SPAG17: variants seen among roughly 807,000 people sequenced by gnomAD.
SPAG17 encodes sperm associated antigen 17.
SPAG17 carries 169 observed loss-of-function variants against 273.6 expected under a neutral mutation model. The observed-to-expected ratio is 0.62, with a 90% CI of 0.55 to 0.70. The LOEUF is 0.70. Ranked by LOEUF, SPAG17 falls within the 30% of genes least tolerant of loss-of-function variation. The probability of loss-of-function intolerance (pLI) is 0.00; values close to 1 mark genes in which losing one functional copy is unlikely to be tolerated. For synonymous variants in SPAG17, 825 were observed against 873.2 expected (o/e 0.94, Z 0.97); for missense variants, 2,557 against 2,627.8 (o/e 0.97, Z 0.59).
chr1:117,964,082 A>G lies in SPAG17; in HGVS notation c.6533-144T>C, dbSNP rs933044411. 3.5e-6 allele frequency: 3 copies of G among 865,820 alleles called. No homozygotes were observed. The African/African-American group carries it at 5.1e-5, about 15-fold the overall frequency. The allele number at this position is 865,820 out of a possible 1,614,324, so 53.6% of individuals were successfully genotyped here. On this transcript the variant is annotated intron_variant, in intron 47 of 48. Coordinates refer to ENST00000336338, the MANE Select transcript of SPAG17 (RefSeq NM_206996.4). The stretch of plus-strand genomic sequence containing the variant: ...ACTGTCTATCCAATGCAAATTCTGC[A>G]TGCTCAGGCTTGGGGGTTAGAGGAT...
rs1407723687 is a variant in SPAG17, at chr1:117,992,529, G to A, written c.5298C>T (p.Arg1766=). ...TTATGACCTCATGCTGAATGAATTG[G>A]CGCATCTGTAGCACACTGGGGCTCT... ...ILKSPSVLQM[R]QFIQHEVIKN... The change falls in exon 36 of 49, where the codon CGC becomes CGT. Residue 1766 remains arginine, a synonymous_variant. Transcript: ENST00000336338. 6 of 1,613,556 alleles carry A rather than the reference G, an allele frequency of 3.7e-6. No individual in the cohort carries two copies. The highest frequency in any genetic ancestry group is 1.1e-5 in the South Asian group (1 of 91,050).
At chr1:118,125,519 C>T (rs2102282908) in intron 3 of SPAG17, among the ~76,000 whole-genome samples, 1 of 152,232 alleles carries the variant, frequency 6.6e-6, no homozygotes, top group Non-Finnish European at 1.5e-5. Context: ...CAACCTCTCC[C>T]TTTCTTCCCC....
At chr1:118,172,909 T>G (rs1660485470) in intron 1 of SPAG17, among the ~76,000 whole-genome samples, 2 of 152,180 alleles carry the variant, frequency 1.3e-5, no homozygotes, top group African/African-American at 4.8e-5. Flanking sequence ...TCCATAAGCT[T>G]CTAGAGGGAA....
intron 28 of SPAG17, among the ~76,000 whole-genome samples, chr1:118,016,626 G>T (rs372743681): frequency 6.6e-6 from 1 of 152,096 alleles, no homozygotes; most frequent in South Asian, 2.1e-4. Flanking sequence ...TTTAACTCTT[G>T]ATTCCCCTGA....
chr1:118,091,807 T>C (rs1655391277), intron 9 of SPAG17, 89 bp from the exon 10 acceptor site: 5 of 1,312,636 alleles, frequency 3.8e-6, no homozygotes, highest in Non-Finnish European at 5.5e-6. Context: ...AAACTATGAC[T>C]ATGCACTAAT....
At chr1:117,959,116 A>T in intron 48 of SPAG17, 2 of 1,294,070 alleles carry the variant, frequency 1.5e-6, no homozygotes, top group Non-Finnish European at 2.1e-6. Context: ...ATAAATCCAT[A>T]TTTGAGATAG....
Position 117,967,092 on chromosome 1 carries a change from G to A in SPAG17, c.6388-339C>T, listed in dbSNP as rs184498831. The stretch of plus-strand genomic sequence containing the variant: ...CTAATTGTGCTAGTTTTTGAATGTC[G>A]GTAGTGACTTTCAGTAGTGAAATCT... On this transcript the variant is annotated intron_variant, in intron 46 of 48. Transcript: ENST00000336338. 2.0e-5 allele frequency among the ~76,000 whole-genome samples: 3 copies of A among 152,052 alleles called. No individual in the cohort carries two copies. In the East Asian group the frequency reaches 5.8e-4, roughly 29 times the overall value.
At chr1:118,005,352 A>T in intron 32 of SPAG17, 62 bp downstream of exon 32, 1 of 1,359,748 alleles carries the variant, frequency 7.4e-7, no homozygotes, top group Non-Finnish European at 9.9e-7. Flanking sequence ...GAAGCTTTGT[A>T]GTGTGAAATA....
intron 17 of SPAG17, among the ~76,000 whole-genome samples, chr1:118,070,559 G>A (rs1653472495): frequency 6.6e-6 from 1 of 152,108 alleles, no homozygotes; most frequent in African/African-American, 2.4e-5. Flanking sequence ...AGAAAAAAAG[G>A]GAATTGTGTA....
At chr1:118,036,187 C>G (rs1016597543) in intron 24 of SPAG17, among the ~76,000 whole-genome samples, 1 of 151,032 alleles carries the variant, frequency 6.6e-6, no homozygotes, top group Non-Finnish European at 1.5e-5. Context: ...GATCCTGTCT[C>G]AGAAAAAGAA....
rs1178739158 is a variant in SPAG17 at position 118,175,572 on chromosome 1, T to TA, written c.87+9498dup. On this transcript the variant is annotated intron_variant, in intron 1 of 48. Transcript: ENST00000336338. ...AGGGATTCGGGTGACATTTTCAAAG[T>TA]ACAAAAAAAAAAAAAAAAAACTGCC... 4.9e-3 allele frequency among the ~76,000 whole-genome samples: 331 copies of TA among 67,446 alleles called. 1 individual carries two copies. Among genetic ancestry groups the TA allele is most frequent in the African/African-American group, 0.018 (309 of 16,940 alleles). 44.2% of individuals were successfully genotyped at this position (67,446 alleles called of 152,430 possible). A position where few individuals can be genotyped will look rare whatever the true frequency, so the allele number is the denominator to read the frequency against.
At chr1:118,116,885 A>T (rs750193701) in intron 3 of SPAG17, among the ~76,000 whole-genome samples, 6 of 152,188 alleles carry the variant, frequency 3.9e-5, no homozygotes, top group Non-Finnish European at 7.3e-5. Context: ...CTGCTAACAC[A>T]ATTTAGGGAA....
At position 118,089,870 on chromosome 1, in the gene SPAG17, GT is replaced by G. The variant is rs1426700250; in HGVS notation, c.1359+1735del. On this transcript the variant is annotated intron_variant, in intron 10 of 48. Transcript: ENST00000336338. ...GGGAGGTGATGGGAGAATGAGGGTGGTTTCCCCCATGCTGTTCTTATGATAA... is the reference window on the plus strand; with the variant it reads ...GGGAGGTGATGGGAGAATGAGGGTGGTTCCCCCATGCTGTTCTTATGATAA... 7.2e-5 allele frequency among the ~76,000 whole-genome samples: 11 copies of G among 152,234 alleles called. No individual in the cohort carries two copies. In the Middle Eastern group the frequency reaches 0.014, roughly 188 times the overall value.
intron 42 of SPAG17, among the ~76,000 whole-genome samples, chr1:117,983,423 G>A (rs986549135): frequency 4.6e-5 from 7 of 152,208 alleles, no homozygotes; most frequent in African/African-American, 1.7e-4. Flanking sequence ...CTCATTGTTG[G>A]TAGGAGTTTG....
intron 31 of SPAG17, among the ~76,000 whole-genome samples, chr1:118,006,167 G>C (rs985847113): frequency 3.9e-5 from 6 of 152,132 alleles, no homozygotes; most frequent in African/African-American, 1.2e-4. Flanking sequence ...GTGGGTTTTA[G>C]TATATTCAAA....
At chr1:117,967,858 A>G (rs1654051241) in intron 46 of SPAG17, among the ~76,000 whole-genome samples, 1 of 152,230 alleles carries the variant, frequency 6.6e-6, no homozygotes, top group African/African-American at 2.4e-5. Context: ...AGTTATCTAG[A>G]AAAAAATAAA....
At chr1:118,129,133 G>C (rs554905930) in intron 3 of SPAG17, among the ~76,000 whole-genome samples, 1 of 152,190 alleles carries the variant, frequency 6.6e-6, no homozygotes, top group Non-Finnish European at 1.5e-5. Flanking sequence ...AGCACAGCAG[G>C]GAAGTGGGCT....
chr1:118,053,747 G>GA (rs1032320740), intron 20 of SPAG17, among the ~76,000 whole-genome samples: 3 of 151,872 alleles, frequency 2.0e-5, no homozygotes, highest in Non-Finnish European at 4.4e-5. Context: ...ACCATAATGG[G>GA]AAAAAAATGA....
chr1:118,169,743 A>T (rs1660332402), intron 1 of SPAG17, among the ~76,000 whole-genome samples: 1 of 152,184 alleles, frequency 6.6e-6, no homozygotes, highest in South Asian at 2.1e-4. Flanking sequence ...TAACATTTCA[A>T]CAATACCTAT....
Sources: gnomAD v4.1 joint callset for allele counts (sites outside exome capture counted in the v4.1 genomes callset) on GRCh38, gnomAD v4.1.1 for gene constraint, MANE v1.5 for transcripts, NCBI Gene and HGNC (gene_info 2026-07-23, HGNC 2026-07-21) for gene names.